The following NRXN1 variants were observed in gnomAD, a reference collection of about 807,000 sequenced individuals.
NRXN1 encodes neurexin 1.
In NRXN1, 39 loss-of-function variants were observed where a neutral mutation model predicts 150.9. The ratio of observed to expected loss-of-function variants is 0.26; its 90% confidence interval spans 0.20 to 0.34. The LOEUF (loss-of-function observed/expected upper bound fraction) is 0.34, where lower values mean the gene tolerates loss of function less well. Among genes scored for constraint, NRXN1 ranks in the 10% least tolerant of loss-of-function variants. The probability of loss-of-function intolerance (pLI) is 1.00; values close to 1 mark genes in which losing one functional copy is unlikely to be tolerated. For synonymous variants in NRXN1, 924 were observed against 757.0 expected, an observed-to-expected ratio of 1.22 and a Z score of -3.62; for missense variants, 1,815 against 1,949.9, an observed-to-expected ratio of 0.93 and a Z score of 1.30.
intron 6 of NRXN1, 135 bp from the exon 7 acceptor site, chr2:50,621,384 C>A: frequency 1.7e-6 from 1 of 595,624 alleles, no homozygotes; most frequent in Non-Finnish European, 2.8e-6. Context: ...TGAAACATTC[C>A]ATGAATGACA....
At chr2:50,836,840 T>TAAAAAAAAAAA (rs369557045) in intron 5 of NRXN1, among the ~76,000 whole-genome samples, 1 of 114,092 alleles carries the variant, frequency 8.8e-6, no homozygotes, top group African/African-American at 3.3e-5. Context: ...ATCATAATTG[T>TAAAAAAAAAAA]AAAAAAAAAA....
At chr2:49,994,711 T>C (rs539282495) in intron 21 of NRXN1, among the ~76,000 whole-genome samples, 31 of 152,324 alleles carry the variant, frequency 2.0e-4, no homozygotes, top group Non-Finnish European at 3.8e-4. Flanking sequence ...AGCCATTAAA[T>C]AGACTCCTTT....
intron 8 of NRXN1, among the ~76,000 whole-genome samples, chr2:50,611,170 T>C (rs1678057667): frequency 6.6e-6 from 1 of 151,970 alleles, no homozygotes; most frequent in Admixed American, 6.6e-5. Flanking sequence ...AAATGTTCAG[T>C]CTCAGACATT....
chr2:50,675,100 G>A (rs559266323), intron 5 of NRXN1, among the ~76,000 whole-genome samples: 1 of 152,104 alleles, frequency 6.6e-6, no homozygotes, highest in Admixed American at 6.5e-5. Flanking sequence ...CTTCTGCCAT[G>A]AGAAAAACCT....
intron 5 of NRXN1, among the ~76,000 whole-genome samples, chr2:50,762,913 C>T (rs964048941): frequency 1.3e-5 from 2 of 151,980 alleles, no homozygotes; most frequent in Admixed American, 6.6e-5. Flanking sequence ...TTGAAGTTCT[C>T]AAAGTGGTGC....
chr2:50,518,640 C>A (rs921353271), intron 12 of NRXN1, among the ~76,000 whole-genome samples: 2 of 74,090 alleles, frequency 2.7e-5, no homozygotes, highest in African/African-American at 1.3e-4. Context: ...GGATTATAGT[C>A]ACAAATGCAT....
rs149635245 is a variant in NRXN1, at chr2:50,954,643, C to A, written c.773-28688G>T. Among the ~76,000 whole-genome samples, 379 of 152,276 alleles carry A rather than the reference C, an allele frequency of 2.5e-3. 2 individuals are homozygous for A. Among genetic ancestry groups the A allele is most frequent in the Middle Eastern group, 0.021 (6 of 292 alleles). ...GCACAGTTCAAAGAAAGAAGAGAAG[C>A]AGGCAGGGAAGCTGGAGGAATAACC... On this transcript the variant is annotated intron_variant, in intron 2 of 22. Coordinates refer to ENST00000401669, the MANE Select transcript of NRXN1 (RefSeq NM_001330078.2).
chr2:51,016,699 T>C (rs1410641650), intron 2 of NRXN1, among the ~76,000 whole-genome samples: 1 of 152,144 alleles, frequency 6.6e-6, no homozygotes, highest in Non-Finnish European at 1.5e-5. Context: ...AGTGTGGTGA[T>C]TTCTCAAGGA....
At chr2:50,002,812 A>G (rs1371532326) in intron 21 of NRXN1, among the ~76,000 whole-genome samples, 8 of 152,074 alleles carry the variant, frequency 5.3e-5, no homozygotes, top group Non-Finnish European at 1.0e-4. Context: ...AGCCAGCTCA[A>G]CTCTCTCTTC....
intron 5 of NRXN1, among the ~76,000 whole-genome samples, chr2:50,773,941 C>T (rs916484083): frequency 1.6e-4 from 25 of 152,026 alleles, no homozygotes; most frequent in African/African-American, 5.6e-4. Flanking sequence ...ACAGGCCCAG[C>T]GCCACTGGTC....
At chr2:50,180,255 C>T (rs2060621956) in intron 18 of NRXN1, among the ~76,000 whole-genome samples, 1 of 151,982 alleles carries the variant, frequency 6.6e-6, no homozygotes, top group African/African-American at 2.4e-5. Flanking sequence ...GAACTCCTGA[C>T]TTCAAGGAAT....
intron 5 of NRXN1, among the ~76,000 whole-genome samples, chr2:50,671,183 T>C (rs1321866656): frequency 6.6e-6 from 1 of 151,768 alleles, no homozygotes; most frequent in Admixed American, 6.6e-5. Context: ...TTCCTGACAA[T>C]GCAAACAAAT....
In NRXN1 at chr2:50,397,612, C is replaced by A. The variant is rs960272439; in HGVS notation, c.3364+67830G>T. On this transcript the variant is annotated intron_variant, in intron 17 of 22. Coordinates refer to ENST00000401669, the MANE Select transcript of NRXN1 (RefSeq NM_001330078.2). ...GGACACAAGCTCCTAATGTTTCTCT[C>A]TTTTTTAAATCTGAGTTTTCCAACA... Among the ~76,000 whole-genome samples the A allele has an allele frequency of 5.3e-5, 8 of 151,992 alleles. No homozygotes were observed. In the South Asian group the frequency reaches 6.2e-4, roughly 12 times the overall value.
intron 17 of NRXN1, among the ~76,000 whole-genome samples, chr2:50,247,182 T>A (rs1192472264): frequency 6.6e-6 from 1 of 152,092 alleles, no homozygotes; most frequent in African/African-American, 2.4e-5. Flanking sequence ...GCCTAAATTA[T>A]TCTGATAAGA....
chr2:50,194,511 C>T (rs1038434776), intron 18 of NRXN1, among the ~76,000 whole-genome samples: 2 of 152,060 alleles, frequency 1.3e-5, no homozygotes, highest in East Asian at 1.9e-4. Context: ...TTTACCCCCC[C>T]GATTCCCCAA....
At chr2:50,578,147 TTCCAATATTAAA>T (rs1671718485) in intron 8 of NRXN1, among the ~76,000 whole-genome samples, 1 of 152,184 alleles carries the variant, frequency 6.6e-6, no homozygotes, top group African/African-American at 2.4e-5. Flanking sequence ...AAATCTTCAT[TTCCAATATTAAA>T]TCCAATGCTC....
At chr2:50,405,362 T>C (rs2082686101) in intron 17 of NRXN1, among the ~76,000 whole-genome samples, 4 of 152,182 alleles carry the variant, frequency 2.6e-5, no homozygotes, top group Admixed American at 2.6e-4. Context: ...TTGCAAACAA[T>C]GGTGTCTCTT....
At chr2:50,922,300 G>A (rs1686160305) in intron 4 of NRXN1, among the ~76,000 whole-genome samples, 2 of 151,854 alleles carry the variant, frequency 1.3e-5, no homozygotes, top group South Asian at 4.1e-4. Context: ...TTAAACTGAG[G>A]ATCTTCTTTC....
At chr2:50,025,677 T>C (rs1425403629) in intron 21 of NRXN1, among the ~76,000 whole-genome samples, 1 of 152,226 alleles carries the variant, frequency 6.6e-6, no homozygotes, top group Non-Finnish European at 1.5e-5. Flanking sequence ...ATTAGTTTCT[T>C]AAGCATCTAT....
Sources: gnomAD v4.1 joint callset for allele counts (sites outside exome capture counted in the v4.1 genomes callset) on GRCh38, gnomAD v4.1.1 for gene constraint, MANE v1.5 for transcripts, NCBI Gene and HGNC (gene_info 2026-07-23, HGNC 2026-07-21) for gene names.